GAN: variants seen among roughly 807,000 people sequenced by gnomAD.
GAN encodes epididymis secretory sperm binding protein.
A neutral mutation model predicts 71.3 loss-of-function variants in GAN; 48 were observed. The observed-to-expected ratio is 0.67, with a 90% CI of 0.53 to 0.86. GAN has a LOEUF of 0.86. Among genes scored for constraint, GAN ranks in the 40% least tolerant of loss-of-function variants. The probability of loss-of-function intolerance (pLI) is 0.00; values close to 1 mark genes in which losing one functional copy is unlikely to be tolerated. For synonymous variants in GAN, 386 were observed against 276.8 expected (o/e 1.39, Z -3.92); for missense variants, 928 against 770.1 (o/e 1.21, Z -2.43).
At chr16:81,326,771 A>G (rs1909403880) in intron 1 of GAN, among the ~76,000 whole-genome samples, 1 of 152,248 alleles carries the variant, frequency 6.6e-6, no homozygotes, top group South Asian at 2.1e-4. Context: ...AGGCAGTTAC[A>G]ACACAGCGGC....
chr16:81,330,270 CTAA>C (rs141105735), intron 1 of GAN, among the ~76,000 whole-genome samples: 15,884 of 152,160 alleles, frequency 0.1, 1,084 homozygotes, highest in Non-Finnish European at 0.13. Context: ...GTTTAAAACT[CTAA>C]TATCTCCAGA....
chr16:81,351,557 A>G (rs1567490104), intron 1 of GAN, 26 bp from the exon 2 acceptor site: 1 of 922,942 alleles, frequency 1.1e-6, no homozygotes, highest in Non-Finnish European at 1.8e-6. Flanking sequence ...TTTCATAGAA[A>G]TTTTACATTT....
At chr16:81,364,676 G>C (rs981944375) in intron 7 of GAN, among the ~76,000 whole-genome samples, 5 of 152,160 alleles carry the variant, frequency 3.3e-5, no homozygotes, top group African/African-American at 1.2e-4. Context: ...GCAACTGAAC[G>C]AGACCCTGTC....
intron 1 of GAN, among the ~76,000 whole-genome samples, chr16:81,325,131 A>G (rs959593357): frequency 6.6e-6 from 1 of 152,254 alleles, no homozygotes; most frequent in Non-Finnish European, 1.5e-5. Context: ...TCACACTTAC[A>G]GTAGGCATTA....
At chr16:81,333,208 C>T (rs1597392467) in intron 1 of GAN, among the ~76,000 whole-genome samples, 1 of 148,438 alleles carries the variant, frequency 6.7e-6, no homozygotes, top group East Asian at 2.0e-4. Flanking sequence ...CGCCACTCCA[C>T]TCCAGCCTAG....
chr16:81,354,728 GA>G lies in GAN; in HGVS notation c.607del (p.Ile203Ter). 6.3e-7 allele frequency: 1 copy of G among 1,595,790 alleles called. No individual in the cohort carries two copies. The highest frequency in any genetic ancestry group is 1.1e-5 in the South Asian group (1 of 90,674). On this transcript the variant is annotated frameshift_variant, in exon 3 of 11. Transcript: ENST00000648994. LOFTEE classifies it high-confidence loss of function. ...RYVFEAVIRW[I>X]AHDTEIRKVH... Reference sequence around the variant, plus strand: ...ATGTCTTTGAAGCAGTAATTCGATGGATAGCACATGATACAGAAATAAGAAA... The same window carrying G: ...ATGTCTTTGAAGCAGTAATTCGATGGTAGCACATGATACAGAAATAAGAAA...
chr16:81,363,913 A>G lies in GAN; in HGVS notation c.1206A>G (p.Thr402=), dbSNP rs781531511. 7 of 1,613,626 alleles carry G rather than the reference A, an allele frequency of 4.3e-6. No individual in the cohort carries two copies. The highest frequency in any genetic ancestry group is 5.1e-6 in the Non-Finnish European group (6 of 1,179,636). ...ECYDIYSKTW[T]KQPDLTMVRK... ...ACGATATTTATTCTAAAACCTGGACAAAGCAACCTGATTTGACCATGGTCA... is the reference window on the plus strand; with the variant it reads ...ACGATATTTATTCTAAAACCTGGACGAAGCAACCTGATTTGACCATGGTCA... Residue 402 remains threonine, a synonymous_variant, in exon 7 of 11, where the codon ACA becomes ACG. Coordinates refer to ENST00000648994, the MANE Select transcript of GAN (RefSeq NM_022041.4).
chr16:81,333,291 C>T (rs1055680863), intron 1 of GAN, among the ~76,000 whole-genome samples: 1 of 150,934 alleles, frequency 6.6e-6, no homozygotes, highest in Non-Finnish European at 1.5e-5. Flanking sequence ...CTGTTTTTCT[C>T]TTTATAATTA....
At chr16:81,339,980 T>C (rs1169151921) in intron 1 of GAN, among the ~76,000 whole-genome samples, 5 of 152,218 alleles carry the variant, frequency 3.3e-5, no homozygotes, top group Non-Finnish European at 5.9e-5. Flanking sequence ...TTGGAAAGGA[T>C]CACATTTTAT....
At chr16:81,346,667 G>C (rs985434210) in intron 1 of GAN, among the ~76,000 whole-genome samples, 2 of 152,180 alleles carry the variant, frequency 1.3e-5, no homozygotes, top group African/African-American at 4.8e-5. Flanking sequence ...CCAGTCCCTG[G>C]TGCCAAAAAG....
chr16:81,368,242 T>C (rs1910924872), intron 9 of GAN, among the ~76,000 whole-genome samples: 1 of 152,246 alleles, frequency 6.6e-6, no homozygotes, highest in African/African-American at 2.4e-5. Context: ...TTTCTCTATT[T>C]CTGTTCCTTG....
chr16:81,315,047 G>A lies in GAN; in HGVS notation c.-67G>A, dbSNP rs1908979063. On this transcript the variant is annotated 5_prime_UTR_variant, in exon 1 of 11. Transcript: ENST00000648994. ...GGGCGGGCGCGCGCGCAGGACTCGG[G>A]CCGCTCGAGGGGTCCGGCCGGACGG... is the stretch of plus-strand genomic sequence containing the variant. 2 of 1,290,940 alleles carry A rather than the reference G, an allele frequency of 1.5e-6. No individual in the cohort carries two copies. Among genetic ancestry groups the A allele is most frequent in the Non-Finnish European group, 1.0e-6 (1 of 996,680 alleles). The allele number at this position is 1,290,940 out of a possible 1,614,324, so 80.0% of individuals were successfully genotyped here. A position where few individuals can be genotyped will look rare whatever the true frequency, so the allele number is the denominator to read the frequency against.
chr16:81,356,977 G>T lies in GAN; in HGVS notation c.826G>T (p.Val276Leu), dbSNP rs34702055. The change falls in exon 4 of 11, where the codon GTG (valine) becomes TTG (leucine). Residue 276 changes from valine to leucine, a missense_variant. Physicochemically the swap from Val to Leu is conservative, Grantham distance 32. Transcript: ENST00000648994. ...FKPRGYSECI[V>L]TVGGEERVSR... is the part of the protein sequence containing the mutation. ...ACCCCGGGGCTACTCTGAGTGCATC[G>T]TGACTGTTGGTGGAGAAGAGAGAGT... 1 of 1,608,590 alleles carries T rather than the reference G, an allele frequency of 6.2e-7. No homozygotes were observed. Among genetic ancestry groups the T allele is most frequent in the East Asian group, 2.2e-5 (1 of 44,868 alleles).
intron 9 of GAN, 111 bp from the exon 10 acceptor site, chr16:81,377,108 G>A (rs1904284028): frequency 7.6e-6 from 6 of 792,500 alleles, no homozygotes; most frequent in Non-Finnish European, 1.4e-5. Flanking sequence ...GTCGAGATTG[G>A]CACAGTGCCT....
chr16:81,362,266 A>G (rs775058395), intron 5 of GAN, among the ~76,000 whole-genome samples: 3 of 152,112 alleles, frequency 2.0e-5, no homozygotes, highest in Admixed American at 6.5e-5. Context: ...TTCCTTTTTC[A>G]TTGTAGGGTG....
At chr16:81,318,281 G>A (rs981427222) in intron 1 of GAN, among the ~76,000 whole-genome samples, 1 of 152,206 alleles carries the variant, frequency 6.6e-6, no homozygotes, top group African/African-American at 2.4e-5. Flanking sequence ...AATCTCTGAA[G>A]TTTTATAAAA....
intron 5 of GAN, among the ~76,000 whole-genome samples, chr16:81,358,323 T>A (rs146225611): frequency 6.6e-6 from 1 of 152,074 alleles, no homozygotes; most frequent in East Asian, 1.9e-4. Flanking sequence ...ATATAAAATA[T>A]GTTATATAAG....
At position 81,381,891 on chromosome 16, in the gene GAN, C is replaced by G. The variant is rs895487018; in HGVS notation, c.*4295C>G. The stretch of plus-strand genomic sequence containing the variant: ...TATACGGAGCTGAAACTAGCATGGG[C>G]CGGCCTCCTATATGGAGCTGAAACT... On this transcript the variant is annotated 3_prime_UTR_variant, in exon 11 of 11. Transcript: ENST00000648994. 1 of 152,140 alleles carries G rather than the reference C, an allele frequency of 6.6e-6. No individual in the cohort carries two copies. The highest frequency in any genetic ancestry group is 1.9e-4 in the East Asian group (1 of 5,194). The allele number at this position is 152,140 out of a possible 1,614,324, so 9.4% of individuals were successfully genotyped here.
intron 1 of GAN, among the ~76,000 whole-genome samples, chr16:81,349,828 G>A (rs1340549402): frequency 6.6e-6 from 1 of 152,114 alleles, no homozygotes; most frequent in African/African-American, 2.4e-5. Context: ...TTGAAGGTGT[G>A]CTTTTCTTTT....
Sources: gnomAD v4.1 joint callset for allele counts (sites outside exome capture counted in the v4.1 genomes callset) on GRCh38, gnomAD v4.1.1 for gene constraint, MANE v1.5 for transcripts, NCBI Gene and HGNC (gene_info 2026-07-23, HGNC 2026-07-21) for gene names.